HSPA4: variants seen among roughly 807,000 people sequenced by gnomAD.
The protein encoded by HSPA4 is heat shock 70 kDa protein 4.
Under a neutral mutation model 106.2 loss-of-function variants are expected in HSPA4, and 25 were observed. That is an observed-to-expected ratio of 0.24 (90% CI 0.17 to 0.33). The LOEUF (loss-of-function observed/expected upper bound fraction) is 0.33. Among genes scored for constraint, HSPA4 ranks in the 10% least tolerant of loss-of-function variants. The pLI, the probability that HSPA4 is intolerant of heterozygous loss-of-function variation, is 1.00. For synonymous variants in HSPA4, 332 were observed against 333.6 expected (o/e 1.00, Z 0.05); for missense variants, 841 against 996.0 (o/e 0.84, Z 2.10).
intron 15 of HSPA4, among the ~76,000 whole-genome samples, chr5:133,098,079 C>T (rs1251717404): frequency 6.6e-6 from 1 of 152,004 alleles, no homozygotes; most frequent in Non-Finnish European, 1.5e-5. Context: ...TTCTGTCCTC[C>T]CGCTTTTGAG....
At chr5:133,075,282 T>C (rs978044166) in intron 6 of HSPA4, among the ~76,000 whole-genome samples, 12 of 152,202 alleles carry the variant, frequency 7.9e-5, no homozygotes, top group African/African-American at 2.9e-4. Context: ...ATTTCTAAGA[T>C]CTATGCTATG....
At chr5:133,077,718 C>T (rs1314192870) in intron 7 of HSPA4, among the ~76,000 whole-genome samples, 2 of 152,160 alleles carry the variant, frequency 1.3e-5, no homozygotes, top group Non-Finnish European at 2.9e-5. Flanking sequence ...TGGCTGTGAA[C>T]TCTACTGGTA....
intron 8 of HSPA4, among the ~76,000 whole-genome samples, chr5:133,087,203 C>G (rs1765587937): frequency 6.6e-6 from 1 of 152,174 alleles, no homozygotes; most frequent in Non-Finnish European, 1.5e-5. Flanking sequence ...TGGATGAGAG[C>G]TACAGCAAAG....
rs752253351 is a variant in HSPA4 at position 133,088,596 on chromosome 5, T to A, written c.1137+41T>A. 5 of 1,553,738 alleles carry A rather than the reference T, an allele frequency of 3.2e-6. No individual in the cohort carries two copies. The East Asian group carries it at 1.1e-4, about 35-fold the overall frequency. ...TTTATAGGTAACCATTTATAAATCATTGTAACAAGATGGCAGTGGTTTATG... is the reference window on the plus strand; with the variant it reads ...TTTATAGGTAACCATTTATAAATCAATGTAACAAGATGGCAGTGGTTTATG... On this transcript the variant is annotated intron_variant, in intron 9 of 18. Coordinates refer to ENST00000304858, the MANE Select transcript of HSPA4 (RefSeq NM_002154.4).
intron 1 of HSPA4, among the ~76,000 whole-genome samples, chr5:133,055,307 A>ATTTTTTTTTTTTT (rs397999293): frequency 1.7e-5 from 1 of 60,062 alleles, no homozygotes; most frequent in Non-Finnish European, 3.1e-5. Context: ...AGGAAGGTTG[A>ATTTTTTTTTTTTT]TTTTTTTTTT....
intron 1 of HSPA4, among the ~76,000 whole-genome samples, chr5:133,053,327 TC>T (rs139861262): frequency 2.2e-5 from 3 of 134,124 alleles, no homozygotes; most frequent in African/African-American, 8.1e-5. Flanking sequence ...GGGTCTCTCT[TC>T]TTTTTTTTTT....
At chr5:133,064,794 G>A (rs901361822) in intron 1 of HSPA4, among the ~76,000 whole-genome samples, 186 bp from the exon 2 acceptor site, 4 of 152,134 alleles carry the variant, frequency 2.6e-5, no homozygotes, top group Non-Finnish European at 5.9e-5. Context: ...GCATGTAAAT[G>A]ACAGGACTCA....
intron 10 of HSPA4, among the ~76,000 whole-genome samples, 188 bp from the exon 11 acceptor site, chr5:133,089,374 G>T (rs928377550): frequency 6.6e-6 from 1 of 152,154 alleles, no homozygotes; most frequent in African/African-American, 2.4e-5. Flanking sequence ...TTTATGTGCA[G>T]ATTGACGTAT....
chr5:133,076,756 A>C lies in HSPA4; in HGVS notation c.766A>C (p.Ile256Leu). The C allele has an allele frequency of 6.2e-7, 1 of 1,614,042 alleles. No individual in the cohort carries two copies. Reference protein sequence around the residue: ...EEFGKKYKLDIKSKIRALLRL... With the variant: ...EEFGKKYKLDLKSKIRALLRL... ...ATTTGGGAAGAAATACAAGCTAGAC[A>C]TTAAGTCCAAAATCCGTGCATTATT... Residue 256 changes from isoleucine (I) to leucine (L), a missense_variant, in exon 7 of 19, where the codon ATT becomes CTT. By Grantham distance (5) the Ile-to-Leu change is conservative (BLOSUM62 2). Coordinates refer to ENST00000304858, the MANE Select transcript of HSPA4 (RefSeq NM_002154.4).
At chr5:133,102,058 CT>C (rs1361968106) in intron 17 of HSPA4, among the ~76,000 whole-genome samples, 180 bp downstream of exon 17, 1 of 151,586 alleles carries the variant, frequency 6.6e-6, no homozygotes. Context: ...TCCCGAGTAG[CT>C]GGGATTACAG....
chr5:133,078,710 A>G (rs1216466863), intron 7 of HSPA4, among the ~76,000 whole-genome samples: 1 of 149,124 alleles, frequency 6.7e-6, no homozygotes, highest in Non-Finnish European at 1.5e-5. Flanking sequence ...GTTCTATATT[A>G]TAGCCTTCAT....
intron 7 of HSPA4, among the ~76,000 whole-genome samples, chr5:133,077,691 G>A (rs1472284674): frequency 1.3e-5 from 2 of 152,142 alleles, no homozygotes; most frequent in Non-Finnish European, 2.9e-5. Flanking sequence ...TTGGATGATG[G>A]GAGTAAGATG....
intron 13 of HSPA4, 47 bp from the exon 14 acceptor site, chr5:133,096,051 A>G: frequency 6.6e-7 from 1 of 1,521,624 alleles, no homozygotes; most frequent in Non-Finnish European, 8.9e-7. Context: ...TTGAAGTTTA[A>G]GGTAGTCTGT....
Position 133,052,189 on chromosome 5 carries a change from G to A in HSPA4, c.-62G>A, listed in dbSNP as rs1765088210. On this transcript the variant is annotated 5_prime_UTR_variant, in exon 1 of 19. Coordinates refer to ENST00000304858, the MANE Select transcript of HSPA4 (RefSeq NM_002154.4). ...CTGCTTTCCACTCGCTAGCCCCGCCGGGGGTCCGTGTCCTGTCTCGGTGGC... is the reference window on the plus strand; with the variant it reads ...CTGCTTTCCACTCGCTAGCCCCGCCAGGGGTCCGTGTCCTGTCTCGGTGGC... The A allele has an allele frequency of 8.6e-7, 1 of 1,162,618 alleles. No individual in the cohort carries two copies. Among genetic ancestry groups the A allele is most frequent in the Non-Finnish European group, 1.2e-6 (1 of 809,364 alleles). 72.0% of individuals were successfully genotyped at this position (1,162,618 alleles called of 1,614,324 possible).
chr5:133,088,653 C>A, intron 9 of HSPA4, 98 bp downstream of exon 9: 1 of 1,016,750 alleles, frequency 9.8e-7, no homozygotes, highest in Admixed American at 2.2e-5. Context: ...CTCAGGGTGA[C>A]TTCAGGGTGT....
chr5:133,067,673 AG>A (rs1409481242), intron 3 of HSPA4, 116 bp downstream of exon 3: 1 of 901,314 alleles, frequency 1.1e-6, no homozygotes, highest in Non-Finnish European at 1.7e-6. Flanking sequence ...ACAGTTGCTT[AG>A]GGAAAGCTTT....
intron 4 of HSPA4, among the ~76,000 whole-genome samples, chr5:133,072,562 A>AT (rs1221515710): frequency 0.019 from 2,531 of 130,100 alleles, 30 homozygotes; most frequent in Middle Eastern, 0.051. Flanking sequence ...CTAGTGGTTT[A>AT]TTTTTTTTTT....
intron 1 of HSPA4, among the ~76,000 whole-genome samples, chr5:133,057,067 C>T (rs1765173992): frequency 6.6e-6 from 1 of 152,082 alleles, no homozygotes. Context: ...TTTTAAAGTG[C>T]AAAGGTTAAT....
In HSPA4 at chr5:133,105,199, A is replaced by G. The variant is rs1765841901; in HGVS notation, c.*763A>G. 1 of 152,244 alleles carries G rather than the reference A, an allele frequency of 6.6e-6. No homozygotes were observed. The highest frequency in any genetic ancestry group is 1.5e-5 in the Non-Finnish European group (1 of 68,048). The allele number at this position is 152,244 out of a possible 1,614,324, so 9.4% of individuals were successfully genotyped here. A position where few individuals can be genotyped will look rare whatever the true frequency, so the allele number is the denominator to read the frequency against. On this transcript the variant is annotated 3_prime_UTR_variant, in exon 19 of 19. Coordinates refer to ENST00000304858, the MANE Select transcript of HSPA4 (RefSeq NM_002154.4). The stretch of plus-strand genomic sequence containing the variant: ...ATATACTGTTGGATATAGCCATGGT[A>G]AATTTAACTGAGGAATTAAATCCTT...
Sources: gnomAD v4.1 joint callset for allele counts (sites outside exome capture counted in the v4.1 genomes callset) on GRCh38, gnomAD v4.1.1 for gene constraint, MANE v1.5 for transcripts, NCBI Gene and HGNC (gene_info 2026-07-23, HGNC 2026-07-21) for gene names.